The following GCNT3 variants were observed in gnomAD, a reference collection of about 807,000 sequenced individuals.
GCNT3 encodes the protein glucosaminyl (N-acetyl) transferase 3, mucin type, also known as beta-1,3-galactosyl-O-glycosyl-glycoprotein beta-1,6-N-acetylglucosaminyltransferase 3.
For synonymous variants in GCNT3, 269 were observed against 195.2 expected, an observed-to-expected ratio of 1.38 and a Z score of -3.15; for missense variants, 708 against 530.3, an observed-to-expected ratio of 1.34 and a Z score of -3.29.
chr15:59,619,173 A>G lies in GCNT3; in HGVS notation c.935A>G (p.Asn312Ser). The change falls in exon 3 of 3, where the codon AAC (asparagine) becomes AGC (serine). Residue 312 changes from asparagine to serine, a missense_variant. By Grantham distance (46) the Asn-to-Ser change is conservative (BLOSUM62 1). Transcript: ENST00000396065. ...SRDFVQHVLK[N>S]PKSQQLIEWV... is the part of the protein sequence containing the mutation. ...GATTTCGTCCAACATGTTTTGAAGA[A>G]CCCTAAATCCCAACAACTGATTGAA... 1 of 1,614,044 alleles carries G rather than the reference A, an allele frequency of 6.2e-7. No individual in the cohort carries two copies.
Position 59,618,521 on chromosome 15 carries a change from C to A in GCNT3, c.283C>A (p.Arg95=). ...ILNNLEVKKK[R]EPFTDTHYLS... ...GAATAACCTGGAGGTCAAGAAGAAGCGAGAGCCTTTCACAGACACCCACTA... is the reference window on the plus strand; with the variant it reads ...GAATAACCTGGAGGTCAAGAAGAAGAGAGAGCCTTTCACAGACACCCACTA... Residue 95 remains arginine (R), a synonymous_variant, in exon 3 of 3, where the codon CGA becomes AGA. Transcript: ENST00000396065. 6.2e-7 allele frequency: 1 copy of A among 1,614,122 alleles called. No individual in the cohort carries two copies. The highest frequency in any genetic ancestry group is 8.5e-7 in the Non-Finnish European group (1 of 1,180,022).
In GCNT3 at chr15:59,618,804, C is replaced by T; in HGVS notation, c.566C>T (p.Ala189Val). 1 of 1,614,180 alleles carries T rather than the reference C, an allele frequency of 6.2e-7. No homozygotes were observed. The highest frequency in any genetic ancestry group is 8.5e-7 in the Non-Finnish European group (1 of 1,180,034). The change falls in exon 3 of 3, where the codon GCC (alanine) becomes GTC (valine). Residue 189 changes from alanine to valine, a missense_variant. Coordinates refer to ENST00000396065, the MANE Select transcript of GCNT3 (RefSeq NM_004751.3). ...TCTTGCTTCCCAAATGTCTTCATAGCCAGTAAGCTGGTTCGGGTGGTTTAT... is the reference window on the plus strand; with the variant it reads ...TCTTGCTTCCCAAATGTCTTCATAGTCAGTAAGCTGGTTCGGGTGGTTTAT... ...IISCFPNVFI[A>V]SKLVRVVYAS...
chr15:59,612,600 T>C (rs1167912425), intron 1 of GCNT3, among the ~76,000 whole-genome samples: 2 of 152,142 alleles, frequency 1.3e-5, no homozygotes, highest in Admixed American at 6.5e-5. Flanking sequence ...GTTTTTGCCT[T>C]GAAATGTGCC....
intron 1 of GCNT3, chr15:59,614,923 G>A (rs545121487): frequency 1.3e-5 from 2 of 152,272 alleles, no homozygotes; most frequent in South Asian, 4.2e-4. Flanking sequence ...CCGGTGGGCA[G>A]AGGACCAAAA....
intron 1 of GCNT3, among the ~76,000 whole-genome samples, chr15:59,614,147 T>C (rs1193357808): frequency 6.6e-6 from 1 of 152,162 alleles, no homozygotes; most frequent in Admixed American, 6.5e-5. Context: ...AAGATACTAA[T>C]AAAGTGGAGG....
Position 59,619,750 on chromosome 15 carries a change from T to C in GCNT3, c.*195T>C, listed in dbSNP as rs1373597053. 1 of 559,242 alleles carries C rather than the reference T, an allele frequency of 1.8e-6. No homozygotes were observed. Among genetic ancestry groups the C allele is most frequent in the Non-Finnish European group, 3.3e-6 (1 of 302,514 alleles). 34.6% of individuals were successfully genotyped at this position (559,242 alleles called of 1,614,324 possible). A position where few individuals can be genotyped will look rare whatever the true frequency, so the allele number is the denominator to read the frequency against. On this transcript the variant is annotated 3_prime_UTR_variant, in exon 3 of 3. Transcript: ENST00000396065. ...TGCTGCCTGGGTGAATGCTGCTTGT[T>C]CTCTCACCCCTAACCCTAGTAGTTC...
Position 59,619,217 on chromosome 15 carries a change from A to G in GCNT3, c.979A>G (p.Ser327Gly), listed in dbSNP as rs767934492. 3.1e-6 allele frequency: 5 copies of G among 1,614,106 alleles called. No homozygotes were observed. Among genetic ancestry groups the G allele is most frequent in the Non-Finnish European group, 3.4e-6 (4 of 1,179,990 alleles). ...GATTGAATGGGTAAAAGACACTTAT[A>G]GCCCAGATGAACACCTCTGGGCCAC... ...QLIEWVKDTY[S>G]PDEHLWATLQ... Residue 327 changes from serine to glycine, a missense_variant, in exon 3 of 3, where the codon AGC becomes GGC. Ser to Gly is a moderately conservative substitution (Grantham distance 56). Transcript: ENST00000396065.
At position 59,614,157 on chromosome 15, in the gene GCNT3, G is replaced by T. The variant is rs1433167475; in HGVS notation, c.-251+2176G>T. 2.9e-4 allele frequency among the ~76,000 whole-genome samples: 44 copies of T among 152,310 alleles called. 1 individual carries two copies. Among genetic ancestry groups the T allele is most frequent in the African/African-American group, 1.0e-3 (42 of 41,564 alleles). ...AAAGTAAGATACTAATAAAGTGGAG[G>T]AGTTTTTCTAGATTAGAATACTGAA... On this transcript the variant is annotated intron_variant, in intron 1 of 2. Transcript: ENST00000396065.
In GCNT3 at chr15:59,616,223, C is replaced by T. The variant is rs571112161; in HGVS notation, c.-250-469C>T. Among the ~76,000 whole-genome samples the T allele has an allele frequency of 3.6e-3, 546 of 152,146 alleles. 2 individuals carry two copies. The highest frequency in any genetic ancestry group is 0.012 in the African/African-American group (518 of 41,486). On this transcript the variant is annotated intron_variant, in intron 1 of 2. Coordinates refer to ENST00000396065, the MANE Select transcript of GCNT3 (RefSeq NM_004751.3). ...AAATGGATGTTTTCTGGTGGGGTAC[C>T]GGGAGGGAGCAGTTGCATTTGAAGA...
intron 2 of GCNT3, among the ~76,000 whole-genome samples, chr15:59,617,785 A>G (rs1378548692): frequency 6.6e-6 from 1 of 152,190 alleles, no homozygotes; most frequent in Non-Finnish European, 1.5e-5. Flanking sequence ...CAAGAGTCTG[A>G]ATTTTATGGA....
In GCNT3 at chr15:59,620,597, G is replaced by A. The variant is rs2082743233; in HGVS notation, c.*1042G>A. 6.0e-6 allele frequency: 1 copy of A among 167,016 alleles called. No homozygotes were observed. The highest frequency in any genetic ancestry group is 2.1e-4 in the South Asian group (1 of 4,822). 10.3% of individuals were successfully genotyped at this position (167,016 alleles called of 1,614,324 possible). On this transcript the variant is annotated 3_prime_UTR_variant, in exon 3 of 3. Transcript: ENST00000396065. The stretch of plus-strand genomic sequence containing the variant: ...AGGAAAAGGCAGGGTGATTTAACCA[G>A]TTTGACCACCTTTCCTGTACTCTTA...
chr15:59,612,899 G>C (rs1235228174), intron 1 of GCNT3, among the ~76,000 whole-genome samples: 3 of 151,996 alleles, frequency 2.0e-5, no homozygotes, highest in Non-Finnish European at 2.9e-5. Context: ...AGAACACAGA[G>C]ATGGAGGGCA....
In GCNT3 at chr15:59,619,160, C is replaced by T. The variant is rs545346483; in HGVS notation, c.922C>T (p.His308Tyr). Residue 308 changes from histidine (H) to tyrosine (Y), a missense_variant, in exon 3 of 3, where the codon CAT (histidine) becomes TAT (tyrosine). Physicochemically the swap from His to Tyr is moderately conservative, Grantham distance 83. Coordinates refer to ENST00000396065, the MANE Select transcript of GCNT3 (RefSeq NM_004751.3). ...YIVASRDFVQHVLKNPKSQQL... is the reference protein window; with the variant it reads ...YIVASRDFVQYVLKNPKSQQL... ...TGTGGCTTCCCGAGATTTCGTCCAA[C>T]ATGTTTTGAAGAACCCTAAATCCCA... The T allele has an allele frequency of 6.2e-7, 1 of 1,614,142 alleles. No homozygotes were observed. The highest frequency in any genetic ancestry group is 1.7e-5 in the Admixed American group (1 of 60,024).
Position 59,618,537 on chromosome 15 carries a change from A to G in GCNT3, c.299A>G (p.Asp100Gly). ...EVKKKREPFT[D>G]THYLSLTRDC... Reference sequence around the variant, plus strand: ...AAGAAGAAGCGAGAGCCTTTCACAGACACCCACTACCTCTCCCTCACCAGA... The same window carrying G: ...AAGAAGAAGCGAGAGCCTTTCACAGGCACCCACTACCTCTCCCTCACCAGA... Residue 100 changes from aspartate to glycine, a missense_variant, in exon 3 of 3, where the codon GAC becomes GGC. By Grantham distance (94) the Asp-to-Gly change is moderately conservative. Coordinates refer to ENST00000396065, the MANE Select transcript of GCNT3 (RefSeq NM_004751.3). 3 of 1,614,208 alleles carry G rather than the reference A, an allele frequency of 1.9e-6. No individual in the cohort carries two copies. The highest frequency in any genetic ancestry group is 2.5e-6 in the Non-Finnish European group (3 of 1,180,040).
intron 2 of GCNT3, chr15:59,617,957 G>T: frequency 3.8e-6 from 1 of 264,366 alleles, no homozygotes; most frequent in Non-Finnish European, 7.1e-6. Context: ...CTTTTCTCCT[G>T]GGGTGGAGGT....
rs199814262 is a variant in GCNT3, at chr15:59,618,924, C to T, written c.686C>T (p.Thr229Met). ...PWKYFLNTCG[T>M]DFPIKSNAEM... is the part of the protein sequence containing the mutation. Reference sequence around the variant, plus strand: ...AAATACTTCCTGAATACATGTGGGACGGACTTTCCTATAAAGAGCAATGCA... The same window carrying T: ...AAATACTTCCTGAATACATGTGGGATGGACTTTCCTATAAAGAGCAATGCA... Residue 229 changes from threonine to methionine, a missense_variant, in exon 3 of 3, where the codon ACG (threonine) becomes ATG (methionine). By Grantham distance (81) the Thr-to-Met change is moderately conservative (BLOSUM62 -1). Coordinates refer to ENST00000396065, the MANE Select transcript of GCNT3 (RefSeq NM_004751.3). 86 of 1,613,994 alleles carry T rather than the reference C, an allele frequency of 5.3e-5. No homozygotes were observed. The Middle Eastern group carries it at 6.6e-4, about 12-fold the overall frequency.
Position 59,618,277 on chromosome 15 carries a change from G to T in GCNT3, c.39G>T (p.Leu13Phe), listed in dbSNP as rs777492287. The T allele has an allele frequency of 3.1e-6, 5 of 1,595,960 alleles. No homozygotes were observed. The highest frequency in any genetic ancestry group is 4.3e-6 in the Non-Finnish European group (5 of 1,171,176). Residue 13 changes from leucine (L) to phenylalanine (F), a missense_variant, in exon 3 of 3, where the codon TTG becomes TTT. Coordinates refer to ENST00000396065, the MANE Select transcript of GCNT3 (RefSeq NM_004751.3). ...AGAGACTCTGCCAGCTGCATTACTTGTGGGCTCTGGGCTGCTATATGCTGC... is the reference window on the plus strand; with the variant it reads ...AGAGACTCTGCCAGCTGCATTACTTTTGGGCTCTGGGCTGCTATATGCTGC... ...QWKRLCQLHY[L>F]WALGCYMLLA...
In GCNT3 at chr15:59,618,600, A is replaced by C. The variant is rs751814891; in HGVS notation, c.362A>C (p.Gln121Pro). The change falls in exon 3 of 3, where the codon CAG becomes CCG. Residue 121 changes from glutamine to proline, a missense_variant. Coordinates refer to ENST00000396065, the MANE Select transcript of GCNT3 (RefSeq NM_004751.3). ...EHFKAERKFI[Q>P]FPLSKEEVEF... Reference sequence around the variant, plus strand: ...TTCAAGGCTGAAAGGAAGTTCATACAGTTCCCACTGAGCAAAGAAGAGGTG... The same window carrying C: ...TTCAAGGCTGAAAGGAAGTTCATACCGTTCCCACTGAGCAAAGAAGAGGTG... 13 of 1,613,948 alleles carry C rather than the reference A, an allele frequency of 8.1e-6. 1 individual carries two copies. In the South Asian group the frequency reaches 1.3e-4, roughly 16 times the overall value.
chr15:59,615,940 T>G (rs1293890294), intron 1 of GCNT3, among the ~76,000 whole-genome samples: 5 of 152,110 alleles, frequency 3.3e-5, no homozygotes, highest in African/African-American at 1.2e-4. Flanking sequence ...GTGTTGCTTT[T>G]TAGGAGGAGC....
Sources: gnomAD v4.1 joint callset for allele counts (sites outside exome capture counted in the v4.1 genomes callset) on GRCh38, gnomAD v4.1.1 for gene constraint, MANE v1.5 for transcripts, NCBI Gene and HGNC (gene_info 2026-07-23, HGNC 2026-07-21) for gene names.